PSD3: variants seen among roughly 807,000 people sequenced by gnomAD.
The protein encoded by PSD3 is PH and SEC7 domain-containing protein 3.
In PSD3, 49 loss-of-function variants were observed where a neutral mutation model predicts 105.5. The ratio of observed to expected loss-of-function variants is 0.46; its 90% CI spans 0.37 to 0.59. PSD3 has a LOEUF of 0.59. Among genes scored for constraint, PSD3 ranks in the 20% least tolerant of loss-of-function variants. PSD3 has a pLI of 0.00. For missense variants in PSD3, 1,561 were observed against 1,263.8 expected (o/e 1.24, Z -3.57); for synonymous variants, 557 against 457.8 (o/e 1.22, Z -2.77).
At chr8:18,690,285 T>C (rs1432749301) in intron 9 of PSD3, among the ~76,000 whole-genome samples, 27 of 152,162 alleles carry the variant, frequency 1.8e-4, no homozygotes, top group Admixed American at 1.8e-3. Context: ...TACGCAACCT[T>C]TCGTTCTCTG....
At chr8:19,015,812 A>G (rs574334744), upstream of PSD3, among the ~76,000 whole-genome samples, 2 of 152,368 alleles carry the variant, frequency 1.3e-5, no homozygotes, top group Non-Finnish European at 2.9e-5. Flanking sequence ...TCAATAGAGG[A>G]GCATTTCATA....
At chr8:18,828,097 T>A (rs1009971859) in intron 4 of PSD3, among the ~76,000 whole-genome samples, 82 of 145,804 alleles carry the variant, frequency 5.6e-4, no homozygotes, top group African/African-American at 1.9e-3. Context: ...AAAATGAGGT[T>A]AATGAGCTAT....
intron 4 of PSD3, among the ~76,000 whole-genome samples, chr8:18,816,396 T>C (rs1812225827): frequency 6.6e-6 from 1 of 152,194 alleles, no homozygotes; most frequent in African/African-American, 2.4e-5. Context: ...GGCTCAGCAA[T>C]GGCGGCTGCA....
At chr8:18,953,342 A>G (rs1823363689) in intron 1 of PSD3, among the ~76,000 whole-genome samples, 1 of 152,172 alleles carries the variant, frequency 6.6e-6, no homozygotes, top group Non-Finnish European at 1.5e-5. Flanking sequence ...GTATGTACAT[A>G]CATATGGTTT....
intron 1 of PSD3, among the ~76,000 whole-genome samples, chr8:19,043,764 A>G (rs1311630630): frequency 6.6e-6 from 1 of 152,202 alleles, no homozygotes; most frequent in Non-Finnish European, 1.5e-5. Context: ...TGACACAGCA[A>G]GAAGGCCCTT....
rs539954728 is a variant in PSD3, at chr8:18,753,690, T to C, written c.2172+11759A>G. ...ATGAATTATCCTACATTAGCGCATTTTCTGATTGAAGGTAATTTCTTTAAA... is the reference window on the plus strand; with the variant it reads ...ATGAATTATCCTACATTAGCGCATTCTCTGATTGAAGGTAATTTCTTTAAA... On this transcript the variant is annotated intron_variant, in intron 9 of 15. Coordinates refer to ENST00000327040, the MANE Select transcript of PSD3 (RefSeq NM_015310.4). Among the ~76,000 whole-genome samples, 4 of 152,284 alleles carry C rather than the reference T, an allele frequency of 2.6e-5. No individual in the cohort carries two copies. In the East Asian group the frequency reaches 7.7e-4, roughly 29 times the overall value.
chr8:19,028,264 C>T, intron 1 of PSD3, among the ~76,000 whole-genome samples: 1 of 139,746 alleles, frequency 7.2e-6, no homozygotes, highest in Admixed American at 7.6e-5. Flanking sequence ...CAATCTTTTG[C>T]CACCTCTCAC....
intron 11 of PSD3, among the ~76,000 whole-genome samples, chr8:18,614,971 T>C (rs1805549010): frequency 1.3e-5 from 2 of 152,146 alleles, no homozygotes; most frequent in Non-Finnish European, 2.9e-5. Context: ...TGAAGGAATA[T>C]GCTGGAGAAC....
intron 9 of PSD3, among the ~76,000 whole-genome samples, chr8:18,764,585 TG>T (rs1435134748): frequency 6.6e-6 from 1 of 152,216 alleles, no homozygotes; most frequent in Non-Finnish European, 1.5e-5. Context: ...CTCTATTCTA[TG>T]TAGCTTAAAG....
chr8:19,058,702 T>C (rs778338112), intron 1 of PSD3, among the ~76,000 whole-genome samples: 1 of 152,116 alleles, frequency 6.6e-6, no homozygotes. Context: ...TTTCTTGAAG[T>C]TTGGAGATGT....
intron 11 of PSD3, among the ~76,000 whole-genome samples, chr8:18,623,053 C>T (rs918086188): frequency 6.6e-6 from 1 of 151,966 alleles, no homozygotes; most frequent in Non-Finnish European, 1.5e-5. Context: ...AATTTTCATT[C>T]AAAAAATCTT....
intron 1 of PSD3, among the ~76,000 whole-genome samples, chr8:18,958,487 C>T (rs753348767): frequency 3.9e-5 from 6 of 152,102 alleles, no homozygotes; most frequent in Non-Finnish European, 7.3e-5. Context: ...TTTCTGAGCA[C>T]TCAAGGAATT....
intron 2 of PSD3, among the ~76,000 whole-genome samples, chr8:18,880,462 T>G (rs1307358718): frequency 1.3e-5 from 2 of 152,118 alleles, no homozygotes; most frequent in African/African-American, 4.8e-5. Context: ...AAGCATAGAC[T>G]CAGGAATAAC....
intron 9 of PSD3, among the ~76,000 whole-genome samples, chr8:18,743,370 G>T (rs1430556163): frequency 6.6e-6 from 1 of 152,146 alleles, no homozygotes. Flanking sequence ...AGAATGAACG[G>T]ATGGGAAAAC....
intron 9 of PSD3, among the ~76,000 whole-genome samples, chr8:18,752,567 A>ATATAT (rs1805646506): frequency 1.3e-5 from 1 of 78,768 alleles, no homozygotes; most frequent in African/African-American, 7.9e-5. Flanking sequence ...TATATATATT[A>ATATAT]TATATATAAT....
intron 2 of PSD3, among the ~76,000 whole-genome samples, chr8:18,892,575 T>C (rs1040171025): frequency 5.3e-5 from 8 of 151,772 alleles, no homozygotes; most frequent in African/African-American, 1.2e-4. Flanking sequence ...AATTTAGTCA[T>C]TGTTGAGTAG....
At chr8:18,743,785 A>G (rs1804762464) in intron 9 of PSD3, among the ~76,000 whole-genome samples, 1 of 152,014 alleles carries the variant, frequency 6.6e-6, no homozygotes, top group Non-Finnish European at 1.5e-5. Flanking sequence ...AAAAAAAAAA[A>G]AAAAAGAAAG....
At chr8:18,921,489 G>A (rs977510454) in intron 2 of PSD3, among the ~76,000 whole-genome samples, 2 of 152,200 alleles carry the variant, frequency 1.3e-5, no homozygotes, top group African/African-American at 2.4e-5. Flanking sequence ...TTCTTAAAAG[G>A]TCTACAGGAG....
chr8:18,910,613 T>C (rs1485780630), intron 2 of PSD3, among the ~76,000 whole-genome samples: 1 of 105,892 alleles, frequency 9.4e-6, no homozygotes, highest in African/African-American at 4.1e-5. Context: ...AATGTGCACA[T>C]GTACCCTAAA....
Sources: allele counts gnomAD v4.1 joint callset (sites outside exome capture counted in the v4.1 genomes callset), GRCh38; gene constraint gnomAD v4.1.1; transcripts MANE v1.5; gene names NCBI Gene and HGNC (gene_info 2026-07-23, HGNC 2026-07-21).